The following ARHGAP36 variants were observed in gnomAD, a reference collection of about 807,000 sequenced individuals.
The protein encoded by ARHGAP36 is Rho GTPase activating protein 36.
A neutral mutation model predicts 32.9 loss-of-function variants in ARHGAP36; 7 were observed. The ratio of observed to expected loss-of-function variants is 0.21; its 90% CI spans 0.12 to 0.40. ARHGAP36 has a LOEUF of 0.40. Among genes scored for constraint, ARHGAP36 ranks in the 10% least tolerant of loss-of-function variants. ARHGAP36 has a pLI of 1.00. For synonymous variants in ARHGAP36, 165 were observed against 168.3 expected, an observed-to-expected ratio of 0.98 and a Z score of 0.15; for missense variants, 383 against 442.2, an observed-to-expected ratio of 0.87 and a Z score of 1.20.
intron 1 of ARHGAP36, among the ~76,000 whole-genome samples, chrX:131,062,923 A>G (rs767964150): frequency 8.1e-4 from 91 of 111,959 alleles, no homozygotes; most frequent in African/African-American, 2.9e-3. Context: ...AGTGAAATTA[A>G]AAGAGAGAAA....
Position 131,084,914 on chromosome X carries a change from C to A in ARHGAP36, c.805C>A (p.Leu269Ile), listed in dbSNP as rs762916133. The change falls in exon 7 of 12, where the codon CTC becomes ATC. Residue 269 changes from leucine to isoleucine, a missense_variant and splice_region_variant. By Grantham distance (5) the Leu-to-Ile change is conservative. Around this residue, in one of 2 missense-constraint regions of ARHGAP36, gnomAD observed 227 missense variants for 311.3 expected, o/e 0.73. Coordinates refer to ENST00000276211, the MANE Select transcript of ARHGAP36 (RefSeq NM_144967.4). ...AGTCCCTGTCTTCTCCTTTTCCTAG[C>A]TCCGTGAAGAATTTGATCAAGGTCT... ...LEYSVQRVRQ[L>I]REEFDQGLDV... 4.1e-6 allele frequency: 5 copies of A among 1,209,707 alleles called. No homozygotes were observed. In the Admixed American group the frequency reaches 1.1e-4, roughly 26 times the overall value.
intron 1 of ARHGAP36, among the ~76,000 whole-genome samples, chrX:131,073,276 C>T (rs777835443): frequency 8.8e-6 from 1 of 113,132 alleles, no homozygotes; most frequent in East Asian, 2.8e-4. Flanking sequence ...ACAGGTTCTG[C>T]GCTGCCTGGA....
chrX:131,086,315 A>G lies in ARHGAP36; in HGVS notation c.1282-14A>G, dbSNP rs746886830. The G allele has an allele frequency of 5.8e-5, 70 of 1,206,497 alleles. No individual in the cohort carries two copies. In the East Asian group the frequency reaches 1.9e-3, roughly 33 times the overall value. ...CTGTGTAATGATGGCTAATGTTGCT[A>G]ATTCTACCCTCAGGTGCCTCCCCAT... On this transcript the variant is annotated splice_polypyrimidine_tract_variant and intron_variant, in intron 9 of 11. Transcript: ENST00000276211.
At position 131,081,910 on chromosome X, in the gene ARHGAP36, C is replaced by G. The variant is rs749424993; in HGVS notation, c.245C>G (p.Pro82Arg). The change falls in exon 2 of 12, where the codon CCT becomes CGT. Residue 82 changes from proline to arginine, a missense_variant. Pro to Arg is a moderately radical substitution (Grantham distance 103). Around this residue, in one of 2 missense-constraint regions of ARHGAP36, gnomAD observed 156 missense variants for 131.0 expected, o/e 1.19. Coordinates refer to ENST00000276211, the MANE Select transcript of ARHGAP36 (RefSeq NM_144967.4). ...VARHFLSEFK[P>R]DRALPIDRPN... is the part of the protein sequence containing the mutation. ...AGACATTTCCTCTCCGAATTCAAAC[C>G]TGACAGAGGTAAGCTGTACCCCGGA... 4 of 1,209,762 alleles carry G rather than the reference C, an allele frequency of 3.3e-6. No individual in the cohort carries two copies. The highest frequency in any genetic ancestry group is 1.8e-5 in the South Asian group (1 of 56,757).
chrX:131,063,228 A>G (rs1436392220), intron 1 of ARHGAP36, among the ~76,000 whole-genome samples: 1 of 111,665 alleles, frequency 9.0e-6, no homozygotes, highest in Non-Finnish European at 1.9e-5. Flanking sequence ...GAGCCTTGGC[A>G]GCTACTGTCA....
At chrX:131,083,662 G>C (rs1165211494) in intron 3 of ARHGAP36, 72 bp from the exon 4 acceptor site, 1 of 1,048,522 alleles carries the variant, frequency 9.5e-7, no homozygotes, top group Admixed American at 2.2e-5. Flanking sequence ...GAGTGCTACA[G>C]CCCCTGCTTC....
chrX:131,074,760 G>T (rs2079752439), intron 1 of ARHGAP36, among the ~76,000 whole-genome samples: 1 of 111,676 alleles, frequency 9.0e-6, no homozygotes, highest in African/African-American at 3.3e-5. Context: ...AGGAACAAGG[G>T]CTTTCTACTC....
At chrX:131,078,114 T>G (rs781246786) in intron 1 of ARHGAP36, among the ~76,000 whole-genome samples, 1 of 111,208 alleles carries the variant, frequency 9.0e-6, no homozygotes, top group South Asian at 3.8e-4. Context: ...TGATTTTTTT[T>G]GTAAACTCCA....
At chrX:131,071,730 C>T (rs1201141978) in intron 1 of ARHGAP36, among the ~76,000 whole-genome samples, 3 of 111,877 alleles carry the variant, frequency 2.7e-5, no homozygotes, top group African/African-American at 9.8e-5. Context: ...TTCCTTCTCT[C>T]CTTTGCCCAG....
intron 2 of ARHGAP36, 47 bp from the exon 3 acceptor site, chrX:131,083,118 T>C (rs368929864): frequency 5.8e-5 from 67 of 1,145,492 alleles, no homozygotes; most frequent in Non-Finnish European, 7.4e-5. Context: ...TAGTCACTTA[T>C]TAAGTCCTAT....
Position 131,083,747 on chromosome X carries a change from G to A in ARHGAP36, c.333G>A (p.Lys111=). The A allele has an allele frequency of 6.6e-6, 8 of 1,211,308 alleles. No individual in the cohort carries two copies. The highest frequency in any genetic ancestry group is 8.9e-6 in the Non-Finnish European group (8 of 895,125). ...LRGQQRAVSH[K]TFGISLEEVL... is the part of the protein sequence containing the mutation. The stretch of plus-strand genomic sequence containing the variant: ...GTGGCTCCCCAGCTGTATCACACAA[G>A]ACATTTGGCATTAGCCTGGAAGAGG... Residue 111 remains lysine (K), a synonymous_variant, in exon 4 of 12, where the codon AAG becomes AAA. Coordinates refer to ENST00000276211, the MANE Select transcript of ARHGAP36 (RefSeq NM_144967.4).
intron 1 of ARHGAP36, among the ~76,000 whole-genome samples, chrX:131,071,166 CAGAG>C (rs112542239): frequency 3.8e-5 from 4 of 106,295 alleles, no homozygotes; most frequent in African/African-American, 6.9e-5. Flanking sequence ...AGAGAGAAGA[CAGAG>C]AGAGAGAGAG....
At position 131,088,727 on chromosome X, in the gene ARHGAP36, T is replaced by C. The variant is rs947570588; in HGVS notation, c.1586T>C (p.Leu529Ser). ...CCCATTCCGGAGCAAGACCGCCCAT[T>C]GCTCCGTGTGCCCCGGGAGAAGGAG... is the stretch of plus-strand genomic sequence containing the variant. Reference protein sequence around the residue: ...NPPIPEQDRPLLRVPREKEAK... With the variant: ...NPPIPEQDRPSLRVPREKEAK... The change falls in exon 12 of 12, where the codon TTG becomes TCG. Residue 529 changes from leucine to serine, a missense_variant. Physicochemically the swap from Leu to Ser is moderately radical, Grantham distance 145. Coordinates refer to ENST00000276211, the MANE Select transcript of ARHGAP36 (RefSeq NM_144967.4). The C allele has an allele frequency of 8.3e-7, 1 of 1,209,390 alleles. No homozygotes were observed. Among genetic ancestry groups the C allele is most frequent in the Admixed American group, 2.2e-5 (1 of 45,600 alleles).
intron 1 of ARHGAP36, among the ~76,000 whole-genome samples, chrX:131,060,724 A>C (rs2079664246): frequency 8.9e-6 from 1 of 112,230 alleles, no homozygotes; most frequent in African/African-American, 3.2e-5. Context: ...TGCCTACATC[A>C]GCTCTATTAC....
chrX:131,086,792 A>G (rs188020971), intron 11 of ARHGAP36, 127 bp downstream of exon 11: 1 of 499,924 alleles, frequency 2.0e-6, no homozygotes, highest in African/African-American at 2.4e-5. Context: ...TCTGAGGAAG[A>G]TGAAGAGCTA....
intron 3 of ARHGAP36, 99 bp from the exon 4 acceptor site, chrX:131,083,635 C>A (rs2079818203): frequency 1.2e-6 from 1 of 846,562 alleles, no homozygotes; most frequent in Non-Finnish European, 1.7e-6. Context: ...GGGTTGGCTG[C>A]GGGTGGTTGC....
chrX:131,077,576 G>A (rs952041183), intron 1 of ARHGAP36, among the ~76,000 whole-genome samples: 5 of 110,105 alleles, frequency 4.5e-5, no homozygotes, highest in South Asian at 3.9e-4. Flanking sequence ...CCTTTCTGAC[G>A]TTAATTTGTT....
At chrX:131,082,809 G>A (rs995757474) in intron 2 of ARHGAP36, among the ~76,000 whole-genome samples, 2 of 113,220 alleles carry the variant, frequency 1.8e-5, no homozygotes, top group Non-Finnish European at 3.7e-5. Context: ...CTGCAGGAGA[G>A]CCCCTCCCTC....
At chrX:131,078,738 G>C (rs1274730329) in intron 1 of ARHGAP36, 2 of 981,811 alleles carry the variant, frequency 2.0e-6, no homozygotes, top group East Asian at 7.5e-5. Context: ...CTGGCACCTT[G>C]AGAAGGTTGA....
Sources: gnomAD v4.1 joint callset for allele counts (sites outside exome capture counted in the v4.1 genomes callset) on GRCh38, gnomAD v4.1.1 for gene constraint, gnomAD v4.1.1 regional missense constraint, MANE v1.5 for transcripts, NCBI Gene and HGNC (gene_info 2026-07-23, HGNC 2026-07-21) for gene names.